Variants in SHLD2 observed in about 807,000 individuals in gnomAD.
The protein encoded by SHLD2 is RINN1-REV7-interacting novel NHEJ regulator 2.
Under a neutral mutation model 73.2 loss-of-function variants are expected in SHLD2, and 30 were observed. The ratio of observed to expected loss-of-function variants is 0.41; its 90% CI spans 0.31 to 0.56. The LOEUF is 0.56. Ranked by LOEUF, SHLD2 falls within the 20% of genes least tolerant of loss-of-function variation. The probability of loss-of-function intolerance (pLI) is 0.28; values close to 1 mark genes in which losing one functional copy is unlikely to be tolerated. For missense variants in SHLD2, 745 were observed against 1,055.9 expected (o/e 0.71, Z 4.08); for synonymous variants, 285 against 370.1 (o/e 0.77, Z 2.64).
intron 2 of SHLD2, among the ~76,000 whole-genome samples, chr10:87,097,234 G>T (rs924582417): frequency 1.3e-5 from 2 of 152,116 alleles, no homozygotes; most frequent in Non-Finnish European, 1.5e-5. Flanking sequence ...GTTTAACTTT[G>T]CTTCTTCTGT....
intron 2 of SHLD2, among the ~76,000 whole-genome samples, chr10:87,134,587 C>A (rs907945417): frequency 3.3e-5 from 5 of 152,160 alleles, no homozygotes; most frequent in Non-Finnish European, 7.3e-5. Context: ...AAGCCTGGGC[C>A]AGTGACGAAC....
intron 2 of SHLD2, among the ~76,000 whole-genome samples, chr10:87,132,162 G>A (rs1589506588): frequency 6.6e-6 from 1 of 152,056 alleles, no homozygotes; most frequent in Non-Finnish European, 1.5e-5. Context: ...GCCTCTAGAT[G>A]TTTTTTACTT....
rs567254951 is a variant in SHLD2 at position 87,143,925 on chromosome 10, G to A, written c.-5-7425G>A. On this transcript the variant is annotated intron_variant, in intron 2 of 9. Coordinates refer to ENST00000298786, the MANE Select transcript of SHLD2 (RefSeq NM_001330112.2). ...GTCGCCCAGGCTGGAGTACAGTGAC[G>A]CGATCTTGGCTCACTGCAACCTCCA... Among the ~76,000 whole-genome samples, 421 of 147,302 alleles carry A rather than the reference G, an allele frequency of 2.9e-3. 1 individual carries two copies. Among genetic ancestry groups the A allele is most frequent in the Non-Finnish European group, 5.1e-3 (344 of 67,504 alleles).
chr10:87,167,372 AT>A (rs1169986732), intron 4 of SHLD2, among the ~76,000 whole-genome samples: 2 of 152,212 alleles, frequency 1.3e-5, no homozygotes, highest in Non-Finnish European at 2.9e-5. Context: ...AATAAAGTAT[AT>A]TCTAAAGTTT....
intron 2 of SHLD2, among the ~76,000 whole-genome samples, chr10:87,125,610 G>A: frequency 6.6e-6 from 1 of 152,188 alleles, no homozygotes; most frequent in Non-Finnish European, 1.5e-5. Flanking sequence ...GGTGGCGGGT[G>A]CCTGTCATCC....
chr10:87,097,714 A>C (rs1228252671), intron 2 of SHLD2, among the ~76,000 whole-genome samples: 1 of 152,106 alleles, frequency 6.6e-6, no homozygotes. Flanking sequence ...TGGCTTCATG[A>C]GTACCCTATA....
chr10:87,097,903 G>C (rs1484997350), intron 2 of SHLD2, among the ~76,000 whole-genome samples: 1 of 151,870 alleles, frequency 6.6e-6, no homozygotes, highest in Non-Finnish European at 1.5e-5. Flanking sequence ...GGGATTACAG[G>C]CGCCCGCCAC....
At chr10:87,099,615 C>T (rs376280919) in intron 2 of SHLD2, among the ~76,000 whole-genome samples, 1 of 152,184 alleles carries the variant, frequency 6.6e-6, no homozygotes, top group African/African-American at 2.4e-5. Flanking sequence ...AATGATGCTG[C>T]GGTGAACTTT....
At chr10:87,099,013 C>T (rs9420436) in intron 2 of SHLD2, among the ~76,000 whole-genome samples, 1,923 of 152,240 alleles carry the variant, frequency 0.013, 25 homozygotes, top group Non-Finnish European at 0.017. Flanking sequence ...TGGGCTCAAG[C>T]GATATGCCCG....
intron 2 of SHLD2, among the ~76,000 whole-genome samples, chr10:87,116,793 G>C (rs1239138309): frequency 6.6e-6 from 1 of 152,226 alleles, no homozygotes; most frequent in South Asian, 2.1e-4. Context: ...AGCAGCCTGG[G>C]TGAACACACA....
chr10:87,094,739 G>A (rs1203761537), upstream of SHLD2: 2 of 1,530,012 alleles, frequency 1.3e-6, no homozygotes, highest in African/African-American at 1.4e-5. This position sits in a 1 kb window ranked among gnomAD's most constrained non-coding sequence, Gnocchi z 6.6. Context: ...GCCCGGGACA[G>A]CAACAGCGCT....
intron 4 of SHLD2, among the ~76,000 whole-genome samples, chr10:87,162,776 G>A (rs1022801936): frequency 2.1e-4 from 32 of 152,026 alleles, no homozygotes; most frequent in Admixed American, 2.0e-3. Context: ...AAAACTACAT[G>A]GAGATACCAT....
chr10:87,173,573 A>G (rs1310381394), intron 6 of SHLD2, among the ~76,000 whole-genome samples: 17 of 152,236 alleles, frequency 1.1e-4, no homozygotes, highest in Non-Finnish European at 1.9e-4. Context: ...TTGTGCCAAT[A>G]TAAATTTCAG....
intron 2 of SHLD2, among the ~76,000 whole-genome samples, chr10:87,098,483 A>G (rs1293149081): frequency 6.6e-6 from 1 of 151,016 alleles, no homozygotes; most frequent in Admixed American, 6.6e-5. Context: ...ATTGCACTCC[A>G]GCCTGGGTAA....
chr10:87,179,011 G>T (rs1297246729), intron 7 of SHLD2, among the ~76,000 whole-genome samples: 2 of 152,158 alleles, frequency 1.3e-5, no homozygotes, highest in African/African-American at 4.8e-5. Flanking sequence ...TTACTTCTAA[G>T]TGGATGAAGA....
intron 2 of SHLD2, among the ~76,000 whole-genome samples, chr10:87,113,246 C>T (rs1223228310): frequency 3.3e-5 from 5 of 152,084 alleles, no homozygotes; most frequent in Non-Finnish European, 7.4e-5. Flanking sequence ...ATCGCTTGAA[C>T]CTGGGAGGTA....
intron 2 of SHLD2, among the ~76,000 whole-genome samples, chr10:87,105,828 G>A (rs749405894): frequency 3.3e-5 from 5 of 152,150 alleles, no homozygotes; most frequent in African/African-American, 1.2e-4. Context: ...TTTTCCAAAG[G>A]CCTGCCAGCT....
intron 3 of SHLD2, among the ~76,000 whole-genome samples, chr10:87,157,812 G>GT (rs1846539180): frequency 6.6e-6 from 1 of 152,186 alleles, no homozygotes; most frequent in South Asian, 2.1e-4. Flanking sequence ...ATATAGAGCA[G>GT]TGGACTTCCA....
At chr10:87,112,565 G>A (rs534877205) in intron 2 of SHLD2, among the ~76,000 whole-genome samples, 3 of 151,828 alleles carry the variant, frequency 2.0e-5, no homozygotes, top group Non-Finnish European at 4.4e-5. Context: ...AGCCTGTGCC[G>A]TCGAGGCTGC....
Sources: gnomAD v4.1 joint callset for allele counts (sites outside exome capture counted in the v4.1 genomes callset) on GRCh38, gnomAD v4.1.1 for gene constraint, Gnocchi (gnomAD v3.1) non-coding constraint, MANE v1.5 for transcripts, NCBI Gene and HGNC (gene_info 2026-07-23, HGNC 2026-07-21) for gene names.